Variants in KATNAL2 observed in about 807,000 individuals in gnomAD.
KATNAL2 encodes the protein katanin catalytic subunit A1 like 2.
Under a neutral mutation model 76.3 loss-of-function variants are expected in KATNAL2, and 52 were observed. The observed-to-expected ratio is 0.68, with a 90% CI of 0.55 to 0.86. The LOEUF is 0.86. Ranked by LOEUF, KATNAL2 falls within the 40% of genes least tolerant of loss-of-function variation. The probability of loss-of-function intolerance (pLI) is 0.00; values close to 1 mark genes in which losing one functional copy is unlikely to be tolerated. For missense variants in KATNAL2, 660 were observed against 668.9 expected (o/e 0.99, Z 0.15); for synonymous variants, 243 against 244.2 (o/e 1.00, Z 0.05).
intron 3 of KATNAL2, among the ~76,000 whole-genome samples, chr18:47,041,936 C>A (rs1480734894): frequency 6.6e-6 from 1 of 152,200 alleles, no homozygotes; most frequent in Admixed American, 6.5e-5. Flanking sequence ...GTTGTTTTAA[C>A]TTTCCATTCC....
At chr18:46,930,704 A>G (rs1235741559) in intron 1 of KATNAL2, among the ~76,000 whole-genome samples, 1 of 151,616 alleles carries the variant, frequency 6.6e-6, no homozygotes, top group African/African-American at 2.4e-5. Flanking sequence ...AATTCCAGCT[A>G]GTTGGGAGGC....
chr18:46,918,976 GATATATATGTGTGTGCGTGTATAT>G (rs1218652981), intron 1 of KATNAL2, among the ~76,000 whole-genome samples: 1 of 149,370 alleles, frequency 6.7e-6, no homozygotes, highest in African/African-American at 2.5e-5. Context: ...TTGTTTATTT[GATATATATGTGTGTGCGTGTATAT>G]ATATATATGT....
chr18:47,032,998 T>G (rs750947768), intron 3 of KATNAL2: 1 of 1,614,080 alleles, frequency 6.2e-7, no homozygotes, highest in South Asian at 1.1e-5. Context: ...AGGCAAGTCC[T>G]GAGTTTATCG....
intron 4 of KATNAL2, among the ~76,000 whole-genome samples, chr18:47,050,007 C>T (rs2061291107): frequency 6.6e-6 from 1 of 152,158 alleles, no homozygotes; most frequent in African/African-American, 2.4e-5. Flanking sequence ...AGCTCAACTG[C>T]AGGTGCGTGC....
chr18:47,038,810 A>T (rs1007244554), intron 3 of KATNAL2, among the ~76,000 whole-genome samples: 7 of 152,242 alleles, frequency 4.6e-5, no homozygotes, highest in Non-Finnish European at 1.0e-4. Context: ...TTGTATATAT[A>T]TTGCAAATTA....
At chr18:47,060,296 C>G (rs1412193593) in intron 8 of KATNAL2, among the ~76,000 whole-genome samples, 2 of 152,166 alleles carry the variant, frequency 1.3e-5, no homozygotes, top group South Asian at 4.1e-4. Context: ...GAGTTGGAAA[C>G]GCATACTCAT....
At chr18:47,096,970 CAA>C (rs1197246245) in intron 15 of KATNAL2, among the ~76,000 whole-genome samples, 2 of 151,548 alleles carry the variant, frequency 1.3e-5, no homozygotes, top group Non-Finnish European at 2.9e-5. Flanking sequence ...AAACTGCATC[CAA>C]AAAATATTAG....
intron 15 of KATNAL2, among the ~76,000 whole-genome samples, chr18:47,092,239 C>T (rs1365835625): frequency 6.6e-6 from 1 of 152,198 alleles, no homozygotes; most frequent in African/African-American, 2.4e-5. Flanking sequence ...TGGATCACGC[C>T]TGTAATCCCA....
intron 3 of KATNAL2, among the ~76,000 whole-genome samples, chr18:47,032,016 A>G (rs1329872950): frequency 2.6e-5 from 4 of 152,196 alleles, no homozygotes; most frequent in African/African-American, 9.7e-5. Context: ...ATCTGAACTC[A>G]AGGTAGTTAA....
At chr18:47,035,471 A>G in intron 3 of KATNAL2, 1 of 1,101,330 alleles carries the variant, frequency 9.1e-7, no homozygotes, top group Non-Finnish European at 1.3e-6. Context: ...ACAGCTGAGC[A>G]GGCCCGCTTT....
intron 14 of KATNAL2, chr18:47,076,265 A>G (rs1158080279): frequency 6.6e-6 from 1 of 152,266 alleles, no homozygotes; most frequent in Non-Finnish European, 1.5e-5. Context: ...AAAAGCAACC[A>G]TAAAGATGTA....
chr18:46,929,468 C>T (rs1024541061), intron 1 of KATNAL2, among the ~76,000 whole-genome samples: 1 of 152,018 alleles, frequency 6.6e-6, no homozygotes, highest in Non-Finnish European at 1.5e-5. Context: ...ATCTCAAACT[C>T]CTGGCCTCAG....
chr18:47,031,594 A>G (rs565183055), intron 3 of KATNAL2, among the ~76,000 whole-genome samples: 3 of 152,280 alleles, frequency 2.0e-5, no homozygotes, highest in African/African-American at 4.8e-5. Context: ...ACTTCCAGCT[A>G]CTTCTCCAGG....
At chr18:46,961,586 G>C (rs1042930010) in intron 3 of KATNAL2, among the ~76,000 whole-genome samples, 3 of 152,210 alleles carry the variant, frequency 2.0e-5, no homozygotes, top group African/African-American at 7.2e-5. Flanking sequence ...CTAGCTGAAA[G>C]ACATTTTTCA....
chr18:47,043,519 G>A (rs2061045954), intron 3 of KATNAL2, among the ~76,000 whole-genome samples: 1 of 152,154 alleles, frequency 6.6e-6, no homozygotes, highest in African/African-American at 2.4e-5. Context: ...GGCGGAAAGT[G>A]TGCTATTAAA....
At position 47,100,987 on chromosome 18, in the gene KATNAL2, AGAGTTC is replaced by A; in HGVS notation, c.1604_1609del (p.Phe535_Glu536del). On this transcript the variant is annotated inframe_deletion, in exon 18 of 18. Transcript: ENST00000683218. ...CTCAGAGATACTCAGACTGGCAAAGAGAGTTCGAGTCTGTCTGAAACCACATTTACC... is the reference window on the plus strand; with the variant it reads ...CTCAGAGATACTCAGACTGGCAAAGAGAGTCTGTCTGAAACCACATTTACC... 6.2e-7 allele frequency: 1 copy of A among 1,614,034 alleles called. No homozygotes were observed. The highest frequency in any genetic ancestry group is 8.5e-7 in the Non-Finnish European group (1 of 1,179,936).
chr18:46,961,983 A>T (rs1360151583), intron 3 of KATNAL2, among the ~76,000 whole-genome samples: 2 of 152,216 alleles, frequency 1.3e-5, no homozygotes, highest in Non-Finnish European at 2.9e-5. Context: ...AGCTACAGTT[A>T]TCTTCAGGCA....
At chr18:46,958,607 T>C (rs2059835782) in intron 3 of KATNAL2, among the ~76,000 whole-genome samples, 1 of 152,200 alleles carries the variant, frequency 6.6e-6, no homozygotes, top group South Asian at 2.1e-4. Context: ...AGCAAAGATA[T>C]GAAATAGAGA....
chr18:47,085,670 A>G (rs1225936592), intron 15 of KATNAL2, among the ~76,000 whole-genome samples: 3 of 152,134 alleles, frequency 2.0e-5, no homozygotes, highest in Non-Finnish European at 2.9e-5. Flanking sequence ...TGCCCACCAA[A>G]CTATCCTTGA....
Sources: gnomAD v4.1 joint callset for allele counts (sites outside exome capture counted in the v4.1 genomes callset) on GRCh38, gnomAD v4.1.1 for gene constraint, MANE v1.5 for transcripts, NCBI Gene and HGNC (gene_info 2026-07-23, HGNC 2026-07-21) for gene names.